The following SLC35F3 variants were observed in gnomAD, a reference collection of about 807,000 sequenced individuals.
SLC35F3 encodes the protein putative thiamine transporter SLC35F3.
Under a neutral mutation model 49.9 loss-of-function variants are expected in SLC35F3, and 25 were observed. The observed-to-expected ratio is 0.50, with a 90% CI of 0.37 to 0.70. SLC35F3 has a LOEUF of 0.70. Ranked by LOEUF, SLC35F3 falls within the 30% of genes least tolerant of loss-of-function variation. SLC35F3 has a pLI of 0.00. For missense variants in SLC35F3, 525 were observed against 639.8 expected, an observed-to-expected ratio of 0.82 and a Z score of 1.94; for synonymous variants, 275 against 265.4, an observed-to-expected ratio of 1.04 and a Z score of -0.35.
At chr1:234,185,183 CTGGGG>C (rs1034355437) in intron 2 of SLC35F3, among the ~76,000 whole-genome samples, 16 of 152,044 alleles carry the variant, frequency 1.1e-4, no homozygotes, top group African/African-American at 3.6e-4. Context: ...GAAAGGCATT[CTGGGG>C]TGGGGGTGTA....
chr1:234,029,120 A>T (rs2102847160), intron 2 of SLC35F3, among the ~76,000 whole-genome samples: 1 of 152,244 alleles, frequency 6.6e-6, no homozygotes, highest in South Asian at 2.1e-4. Context: ...CTGCCCAGTG[A>T]GCTTGGGGCT....
At chr1:234,101,149 C>T (rs1665208027) in intron 2 of SLC35F3, among the ~76,000 whole-genome samples, 1 of 151,920 alleles carries the variant, frequency 6.6e-6, no homozygotes, top group African/African-American at 2.4e-5. Context: ...GAGAGGTGAC[C>T]CTGTGCCACA....
At chr1:233,936,665 CCTT>C (rs1198549998) in intron 2 of SLC35F3, among the ~76,000 whole-genome samples, 1 of 151,558 alleles carries the variant, frequency 6.6e-6, no homozygotes, top group African/African-American at 2.4e-5. Context: ...CCTTTCTTCC[CCTT>C]CTTCTTTTTC....
At chr1:234,168,310 C>A (rs1177345520) in intron 2 of SLC35F3, among the ~76,000 whole-genome samples, 1 of 152,236 alleles carries the variant, frequency 6.6e-6, no homozygotes, top group African/African-American at 2.4e-5. Context: ...GGGTACTCCC[C>A]CAGGGGTCCG....
At chr1:234,157,273 G>A (rs1157091535) in intron 2 of SLC35F3, among the ~76,000 whole-genome samples, 2 of 151,990 alleles carry the variant, frequency 1.3e-5, no homozygotes, top group Non-Finnish European at 2.9e-5. Context: ...CTCTTAGCTC[G>A]TTTTTCTTTT....
At position 233,932,936 on chromosome 1, in the gene SLC35F3, T is replaced by A. The variant is rs116828027; in HGVS notation, c.283+27178T>A. On this transcript the variant is annotated intron_variant, in intron 2 of 7. Transcript: ENST00000366618. ...AAAATAAATGCTGCCTTTCTTAACT[T>A]CCTGGAAATTACACTTACTGATTTA... Among the ~76,000 whole-genome samples, 1,075 of 152,038 alleles carry A rather than the reference T, an allele frequency of 7.1e-3. 12 individuals are homozygous for A. Among genetic ancestry groups the A allele is most frequent in the African/African-American group, 0.024 (1,016 of 41,478 alleles).
chr1:234,131,134 A>G (rs1665729356), intron 2 of SLC35F3, among the ~76,000 whole-genome samples: 1 of 152,106 alleles, frequency 6.6e-6, no homozygotes, highest in Admixed American at 6.6e-5. Flanking sequence ...GAAAGAGGGA[A>G]TAGTTAAGAG....
intron 2 of SLC35F3, among the ~76,000 whole-genome samples, chr1:233,922,781 G>A (rs1041745931): frequency 6.6e-6 from 1 of 152,104 alleles, no homozygotes; most frequent in Non-Finnish European, 1.5e-5. Context: ...ATGGTTTTAG[G>A]TCTAACATTT....
At chr1:234,002,149 C>T (rs1259218997) in intron 2 of SLC35F3, among the ~76,000 whole-genome samples, 1 of 152,098 alleles carries the variant, frequency 6.6e-6, no homozygotes, top group African/African-American at 2.4e-5. Context: ...TTTGGATTTA[C>T]AGATCAATTG....
At chr1:233,966,856 C>G (rs989107939) in intron 2 of SLC35F3, among the ~76,000 whole-genome samples, 1 of 152,150 alleles carries the variant, frequency 6.6e-6, no homozygotes, top group African/African-American at 2.4e-5. Context: ...CCTTTATTTT[C>G]TTTGGAGGCA....
In SLC35F3 at chr1:234,138,554, G is replaced by T. The variant is rs149744939; in HGVS notation, c.284-92863G>T. On this transcript the variant is annotated intron_variant, in intron 2 of 7. Transcript: ENST00000366618. ...ATACCAAAACACACAGAATCAAGAA[G>T]TGAACTTGTTTTTGTTTTACAGACA... Among the ~76,000 whole-genome samples, 148 of 152,228 alleles carry T rather than the reference G, an allele frequency of 9.7e-4. 2 individuals carry two copies. The highest frequency in any genetic ancestry group is 3.2e-3 in the African/African-American group (133 of 41,556).
At chr1:234,068,823 TTATATATATATATATATATATA>T (rs10645395) in intron 2 of SLC35F3, among the ~76,000 whole-genome samples, 4 of 71,154 alleles carry the variant, frequency 5.6e-5, no homozygotes, top group African/African-American at 1.8e-4. Flanking sequence ...ATTTGAGACA[TTATATATATATATATATATATA>T]TATATATATA....
intron 2 of SLC35F3, among the ~76,000 whole-genome samples, chr1:234,138,168 A>G (rs1031058429): frequency 6.6e-6 from 1 of 152,236 alleles, no homozygotes; most frequent in Non-Finnish European, 1.5e-5. Flanking sequence ...TTTAGGTTAC[A>G]CTATATAACA....
chr1:233,999,399 C>T (rs1272001498), intron 2 of SLC35F3, among the ~76,000 whole-genome samples: 1 of 152,138 alleles, frequency 6.6e-6, no homozygotes, highest in Non-Finnish European at 1.5e-5. Context: ...CAAAGCACCA[C>T]TCTTATCCTA....
intron 2 of SLC35F3, among the ~76,000 whole-genome samples, chr1:234,038,553 T>G (rs1338210722): frequency 6.6e-6 from 1 of 152,122 alleles, no homozygotes; most frequent in African/African-American, 2.4e-5. Flanking sequence ...ACTTCCACAA[T>G]GGTTGAACTA....
intron 2 of SLC35F3, among the ~76,000 whole-genome samples, chr1:234,195,447 G>A (rs74147553): frequency 0.02 from 3,051 of 152,240 alleles, 94 homozygotes; most frequent in African/African-American, 0.068. Flanking sequence ...AATGTATCAA[G>A]GCTCAAGGCA....
intron 2 of SLC35F3, among the ~76,000 whole-genome samples, chr1:234,018,527 A>G (rs1663842479): frequency 1.3e-5 from 2 of 152,124 alleles, no homozygotes; most frequent in African/African-American, 4.8e-5. Flanking sequence ...GCAAGAGCCT[A>G]GCTTAGTACA....
At chr1:234,171,499 C>T (rs1014780541) in intron 2 of SLC35F3, among the ~76,000 whole-genome samples, 9 of 152,214 alleles carry the variant, frequency 5.9e-5, no homozygotes, top group Admixed American at 5.9e-4. Context: ...TTAAGATTTA[C>T]CTGGATAATT....
At chr1:234,103,477 C>A (rs928295726) in intron 2 of SLC35F3, among the ~76,000 whole-genome samples, 1 of 152,152 alleles carries the variant, frequency 6.6e-6, no homozygotes, top group Admixed American at 6.5e-5. Context: ...AGTGATGGGG[C>A]CTCTGGGACA....
Sources: allele counts gnomAD v4.1 joint callset (sites outside exome capture counted in the v4.1 genomes callset), GRCh38; gene constraint gnomAD v4.1.1; transcripts MANE v1.5; gene names NCBI Gene and HGNC (gene_info 2026-07-23, HGNC 2026-07-21).